HMG20A: variants seen among roughly 807,000 people sequenced by gnomAD.
HMG20A encodes high mobility group protein 20A.
HMG20A carries 17 observed loss-of-function variants against 43.9 expected under a neutral mutation model. The observed-to-expected ratio is 0.39, with a 90% confidence interval of 0.27 to 0.58. HMG20A has a LOEUF of 0.58. Among genes scored for constraint, HMG20A ranks in the 20% least tolerant of loss-of-function variants. The pLI, the probability that HMG20A is intolerant of heterozygous loss-of-function variation, is 0.59. For missense variants in HMG20A, 341 were observed against 438.2 expected, an observed-to-expected ratio of 0.78 and a Z score of 1.98; for synonymous variants, 132 against 147.5, an observed-to-expected ratio of 0.89 and a Z score of 0.76.
the HMG20A span, among the ~76,000 whole-genome samples, chr15:77,499,295 G>T: frequency 6.6e-6 from 1 of 152,108 alleles, no homozygotes; most frequent in African/African-American, 2.4e-5. Context: ...TGGAGTTCCT[G>T]ATCTCTCTTT....
chr15:77,468,693 T>C (rs147897620), intron 4 of HMG20A, among the ~76,000 whole-genome samples: 1,571 of 152,156 alleles, frequency 0.01, 19 homozygotes, highest in African/African-American at 0.034. Context: ...TTATATACAT[T>C]GTAGCCCTTT....
chr15:77,431,849 A>C (rs1339205074), intron 1 of HMG20A, among the ~76,000 whole-genome samples: 1 of 151,966 alleles, frequency 6.6e-6, no homozygotes, highest in African/African-American at 2.4e-5. Flanking sequence ...CCATGAGTTC[A>C]GGTTTTCTAG....
At chr15:77,467,330 C>T in intron 4 of HMG20A, 23 bp downstream of exon 4, 1 of 1,569,976 alleles carries the variant, frequency 6.4e-7, no homozygotes, top group Non-Finnish European at 8.8e-7. Flanking sequence ...ATTCCTGACT[C>T]TTTGTTTGGT....
At chr15:77,504,490 G>A in the HMG20A span, among the ~76,000 whole-genome samples, 13 of 152,348 alleles carry the variant, frequency 8.5e-5, no homozygotes, top group African/African-American at 2.6e-4. Flanking sequence ...CGCGGGGTGC[G>A]CCTTCTGGCC....
chr15:77,478,212 C>T (rs1027759824), intron 7 of HMG20A, 83 bp from the exon 8 acceptor site: 1 of 1,389,136 alleles, frequency 7.2e-7, no homozygotes, highest in African/African-American at 1.4e-5. Context: ...GGCAGCTAAG[C>T]AGAACTTCCC....
intron 1 of HMG20A, among the ~76,000 whole-genome samples, chr15:77,422,102 C>T (rs2073366372): frequency 6.6e-6 from 1 of 152,110 alleles, no homozygotes; most frequent in South Asian, 2.1e-4. Context: ...GTTCTGTTGT[C>T]AGATAACACA....
chr15:77,517,066 A>G, the HMG20A span, among the ~76,000 whole-genome samples: 5 of 151,970 alleles, frequency 3.3e-5, no homozygotes, highest in African/African-American at 9.7e-5. Context: ...CCCTCCACCA[A>G]TGCTCACCTT....
rs188321184 is a variant in HMG20A, at chr15:77,432,625, G to A, written c.-5+11621G>A. Among the ~76,000 whole-genome samples, 714 of 151,702 alleles carry A rather than the reference G, an allele frequency of 4.7e-3. 4 individuals are homozygous for A. Among genetic ancestry groups the A allele is most frequent in the African/African-American group, 0.016 (663 of 41,342 alleles). ...TAATCCCAGCTACTCAGGAGGCTGA[G>A]GCAGGAGAATCACTTGAACCCTGGA... On this transcript the variant is annotated intron_variant, in intron 1 of 9. Coordinates refer to ENST00000336216, the MANE Select transcript of HMG20A (RefSeq NM_001304504.2).
At position 77,461,589 on chromosome 15, in the gene HMG20A, C is replaced by G. The variant is rs930661643; in HGVS notation, c.90-2651C>G. 4.7e-4 allele frequency among the ~76,000 whole-genome samples: 72 copies of G among 152,220 alleles called. 1 individual carries two copies. Among genetic ancestry groups the G allele is most frequent in the African/African-American group, 1.6e-3 (67 of 41,520 alleles). The stretch of plus-strand genomic sequence containing the variant: ...TTTATTCATGGTAACAAAAGATCCC[C>G]CTTTTTTCCAGTCTTCATCCAACTT... On this transcript the variant is annotated intron_variant, in intron 2 of 9. Transcript: ENST00000336216.
Position 77,485,230 on chromosome 15 carries a change from C to G in HMG20A, c.*2267C>G, listed in dbSNP as rs2072937664. ...ATAGACCAGGTCTGTGCCACCTCCTCTCTCCTCTGTGCTCAGTGAGGAGGC... is the reference window on the plus strand; with the variant it reads ...ATAGACCAGGTCTGTGCCACCTCCTGTCTCCTCTGTGCTCAGTGAGGAGGC... On this transcript the variant is annotated 3_prime_UTR_variant, in exon 10 of 10. Coordinates refer to ENST00000336216, the MANE Select transcript of HMG20A (RefSeq NM_001304504.2). 6.5e-6 allele frequency: 1 copy of G among 152,672 alleles called. No individual in the cohort carries two copies. The highest frequency in any genetic ancestry group is 2.4e-5 in the African/African-American group (1 of 41,452). The allele number at this position is 152,672 out of a possible 1,614,324, so 9.5% of individuals were successfully genotyped here.
chr15:77,445,440 A>G (rs1474948589), intron 1 of HMG20A, among the ~76,000 whole-genome samples: 1 of 152,222 alleles, frequency 6.6e-6, no homozygotes, highest in Non-Finnish European at 1.5e-5. Flanking sequence ...GTACATCCCA[A>G]GACCCCCGGT....
In HMG20A at chr15:77,484,651, C is replaced by T. The variant is rs1462289387; in HGVS notation, c.*1688C>T. ...ATATCAAATATCCATGCGCTGAAAC[C>T]CACATACCATCACTTGGCAATTTTT... On this transcript the variant is annotated 3_prime_UTR_variant, in exon 10 of 10. Coordinates refer to ENST00000336216, the MANE Select transcript of HMG20A (RefSeq NM_001304504.2). 2.6e-5 allele frequency: 4 copies of T among 152,174 alleles called. No homozygotes were observed. Among genetic ancestry groups the T allele is most frequent in the Admixed American group, 1.3e-4 (2 of 15,280 alleles). The allele number at this position is 152,174 out of a possible 1,614,324, so 9.4% of individuals were successfully genotyped here.
At chr15:77,443,623 C>T (rs1292135146) in intron 1 of HMG20A, among the ~76,000 whole-genome samples, 1 of 151,566 alleles carries the variant, frequency 6.6e-6, no homozygotes, top group African/African-American at 2.4e-5. Context: ...AACTCCTGAC[C>T]TCAAGTGATC....
chr15:77,507,060 C>A, the HMG20A span, among the ~76,000 whole-genome samples: 1 of 152,214 alleles, frequency 6.6e-6, no homozygotes, highest in Non-Finnish European at 1.5e-5. Context: ...GTTGAAGGTT[C>A]GAACAGAATA....
At chr15:77,482,902 T>TA (rs1212102978) in intron 9 of HMG20A, 68 bp from the exon 10 acceptor site, 1 of 152,292 alleles carries the variant, frequency 6.6e-6, no homozygotes, top group East Asian at 1.9e-4. Context: ...ATTCAATACT[T>TA]ACTTTCTTGG....
intron 1 of HMG20A, among the ~76,000 whole-genome samples, chr15:77,438,596 G>C (rs1409080023): frequency 6.6e-6 from 1 of 152,100 alleles, no homozygotes; most frequent in Non-Finnish European, 1.5e-5. Flanking sequence ...CTCCATCTTA[G>C]ATGTAGTTTT....
the HMG20A span, among the ~76,000 whole-genome samples, chr15:77,517,355 A>C: frequency 4.3e-3 from 659 of 152,212 alleles, 6 homozygotes; most frequent in African/African-American, 0.015. Context: ...GTCCCATAGC[A>C]GGTATTTACT....
At chr15:77,489,007 C>A (rs781432563), downstream of HMG20A, among the ~76,000 whole-genome samples, 4 of 152,192 alleles carry the variant, frequency 2.6e-5, no homozygotes, top group Non-Finnish European at 4.4e-5. Flanking sequence ...TGACCTTAGG[C>A]AAGTTGCATA....
At chr15:77,513,244 G>A in the HMG20A span, among the ~76,000 whole-genome samples, 1 of 152,132 alleles carries the variant, frequency 6.6e-6, no homozygotes, top group African/African-American at 2.4e-5. Context: ...ATGAGGTTTG[G>A]GAGAGTGTAT....
Sources: allele counts gnomAD v4.1 joint callset (sites outside exome capture counted in the v4.1 genomes callset), GRCh38; gene constraint gnomAD v4.1.1; transcripts MANE v1.5; gene names NCBI Gene and HGNC (gene_info 2026-07-23, HGNC 2026-07-21).